The following SPAG16 variants were observed in gnomAD, a reference collection of about 807,000 sequenced individuals.
SPAG16 encodes the protein sperm associated antigen 16.
A neutral mutation model predicts 80.4 loss-of-function variants in SPAG16; 86 were observed. That is an observed-to-expected ratio of 1.07 (90% CI 0.90 to 1.28). SPAG16 has a LOEUF of 1.28. Among genes scored for constraint, SPAG16 ranks in the 50% most tolerant of loss-of-function variants. SPAG16 has a pLI of 0.00. For synonymous variants in SPAG16, 294 were observed against 265.9 expected (o/e 1.11, Z -1.03); for missense variants, 870 against 765.3 (o/e 1.14, Z -1.61).
intron 10 of SPAG16, among the ~76,000 whole-genome samples, chr2:213,729,981 A>G (rs896028344): frequency 1.3e-5 from 2 of 152,236 alleles, no homozygotes; most frequent in African/African-American, 4.8e-5. Flanking sequence ...CTTTACGTGC[A>G]GACACTCTTG....
At chr2:213,364,022 C>T in intron 7 of SPAG16, 54 bp from the exon 8 acceptor site, 1 of 818,398 alleles carries the variant, frequency 1.2e-6, no homozygotes, top group Non-Finnish European at 1.8e-6. Context: ...TTTATGTAAC[C>T]TTTTTAAAAG....
At chr2:213,774,886 C>T (rs2069474826) in intron 10 of SPAG16, among the ~76,000 whole-genome samples, 1 of 152,132 alleles carries the variant, frequency 6.6e-6, no homozygotes, top group South Asian at 2.1e-4. Context: ...CAAATTTTTC[C>T]TTAGTACGTG....
At chr2:214,165,469 C>CTTTTTTTTTTTTTTTTT (rs67726428) in intron 15 of SPAG16, among the ~76,000 whole-genome samples, 1 of 37,856 alleles carries the variant, frequency 2.6e-5, no homozygotes, top group African/African-American at 1.4e-4. Flanking sequence ...CATCACCATC[C>CTTTTTTTTTTTTTTTTT]TTTTTTTTTT....
chr2:213,763,652 G>T (rs2068779097), intron 10 of SPAG16, among the ~76,000 whole-genome samples: 1 of 138,984 alleles, frequency 7.2e-6, no homozygotes, highest in Non-Finnish European at 1.6e-5. Context: ...TTAAAGGGTG[G>T]ATCTCATTTT....
intron 9 of SPAG16, among the ~76,000 whole-genome samples, chr2:213,405,849 A>G (rs1279289474): frequency 1.3e-5 from 2 of 152,190 alleles, no homozygotes; most frequent in African/African-American, 2.4e-5. Flanking sequence ...AAAGTATTTT[A>G]TAGTCAATGG....
intron 10 of SPAG16, among the ~76,000 whole-genome samples, chr2:213,641,913 A>G (rs1233454573): frequency 3.9e-5 from 6 of 152,232 alleles, no homozygotes; most frequent in South Asian, 2.1e-4. Flanking sequence ...TAGTGTGAAC[A>G]TGTGAAGGAG....
intron 10 of SPAG16, among the ~76,000 whole-genome samples, chr2:213,694,831 A>C (rs1433289922): frequency 6.7e-6 from 1 of 149,552 alleles, no homozygotes; most frequent in African/African-American, 2.5e-5. Flanking sequence ...GAATTCTGTA[A>C]GTATTATTGC....
chr2:214,322,385 T>C (rs1696157347), intron 15 of SPAG16, among the ~76,000 whole-genome samples: 1 of 152,056 alleles, frequency 6.6e-6, no homozygotes, highest in African/African-American at 2.4e-5. Flanking sequence ...TGAAGTCTCA[T>C]AAGAAAATGG....
At chr2:214,102,448 A>G (rs186440882) in intron 13 of SPAG16, among the ~76,000 whole-genome samples, 7 of 152,094 alleles carry the variant, frequency 4.6e-5, no homozygotes, top group Admixed American at 6.6e-5. Flanking sequence ...TCATTCATGG[A>G]CTACCCAATT....
At chr2:214,397,522 G>A (rs1287949189) in intron 15 of SPAG16, among the ~76,000 whole-genome samples, 1 of 151,938 alleles carries the variant, frequency 6.6e-6, no homozygotes, top group African/African-American at 2.4e-5. Context: ...CTATTCCTTC[G>A]CAACTATAAT....
At chr2:214,292,915 A>G (rs926155134) in intron 15 of SPAG16, among the ~76,000 whole-genome samples, 1 of 152,178 alleles carries the variant, frequency 6.6e-6, no homozygotes, top group Non-Finnish European at 1.5e-5. Flanking sequence ...TCAGCTGTAA[A>G]GTGTCAGTGG....
At chr2:213,756,723 T>C (rs574106906) in intron 10 of SPAG16, among the ~76,000 whole-genome samples, 1 of 152,260 alleles carries the variant, frequency 6.6e-6, no homozygotes, top group South Asian at 2.1e-4. Flanking sequence ...CGGCCTAGGA[T>C]ATGTGTGGGT....
At position 213,296,909 on chromosome 2, in the gene SPAG16, G is replaced by T. The variant is rs1379845315; in HGVS notation, c.184-353G>T. 2.4e-5 allele frequency: 9 copies of T among 377,388 alleles called. No individual in the cohort carries two copies. In the East Asian group the frequency reaches 7.0e-4, roughly 29 times the overall value. 23.4% of individuals were successfully genotyped at this position (377,388 alleles called of 1,614,324 possible). On this transcript the variant is annotated intron_variant, in intron 2 of 15. Coordinates refer to ENST00000331683, the MANE Select transcript of SPAG16 (RefSeq NM_024532.5). ...ATAAACGAGAGATTTTCAGTTGCTA[G>T]TAGTTCTGAAAAAGTGATGGTGGAA...
intron 10 of SPAG16, among the ~76,000 whole-genome samples, chr2:213,613,854 G>A (rs1008059216): frequency 2.0e-5 from 3 of 152,164 alleles, no homozygotes; most frequent in African/African-American, 7.2e-5. Flanking sequence ...AAAAAATTTG[G>A]AAGTAGGCGA....
intron 15 of SPAG16, among the ~76,000 whole-genome samples, chr2:214,185,756 A>G (rs1293917884): frequency 6.6e-6 from 1 of 152,150 alleles, no homozygotes; most frequent in African/African-American, 2.4e-5. Flanking sequence ...CAAAGGCTAA[A>G]TGGAACAGAT....
At chr2:213,813,735 C>G (rs1310421859) in intron 10 of SPAG16, among the ~76,000 whole-genome samples, 2 of 152,118 alleles carry the variant, frequency 1.3e-5, no homozygotes, top group African/African-American at 2.4e-5. Flanking sequence ...CCTTTGAGTT[C>G]AAATTCTCCA....
intron 9 of SPAG16, among the ~76,000 whole-genome samples, chr2:213,468,365 ATATC>A (rs2072827879): frequency 1.4e-5 from 2 of 145,468 alleles, no homozygotes; most frequent in African/African-American, 5.1e-5. Flanking sequence ...ATATATATAT[ATATC>A]TCTCTCTATA....
chr2:214,114,597 C>T (rs1034110601), intron 14 of SPAG16, among the ~76,000 whole-genome samples: 1 of 152,174 alleles, frequency 6.6e-6, no homozygotes, highest in African/African-American at 2.4e-5. Context: ...GAGCGTGGGA[C>T]CCCCTGCCCC....
rs1328811537 is a variant in SPAG16 at position 213,375,010 on chromosome 2, T to C, written c.833T>C (p.Val278Ala). Reference protein sequence around the residue: ...GHSYHGPQIKVDHSREKENAP... With the variant: ...GHSYHGPQIKADHSREKENAP... Reference sequence around the variant, plus strand: ...AAGAATAAATTATATTATCTTGTAGTTGATCATAGTCGTGAAAAAGAAAAT... The same window carrying C: ...AAGAATAAATTATATTATCTTGTAGCTGATCATAGTCGTGAAAAAGAAAAT... The change falls in exon 9 of 16, where the codon GTT becomes GCT. Residue 278 changes from valine to alanine, a missense_variant and splice_region_variant. Physicochemically the swap from Val to Ala is moderately conservative, Grantham distance 64 (BLOSUM62 0). Transcript: ENST00000331683. The C allele has an allele frequency of 1.9e-6, 3 of 1,591,750 alleles. No individual in the cohort carries two copies. The highest frequency in any genetic ancestry group is 2.6e-6 in the Non-Finnish European group (3 of 1,166,740).
Sources: gnomAD v4.1 joint callset for allele counts (sites outside exome capture counted in the v4.1 genomes callset) on GRCh38, gnomAD v4.1.1 for gene constraint, MANE v1.5 for transcripts, NCBI Gene and HGNC (gene_info 2026-07-23, HGNC 2026-07-21) for gene names.